Variants in YBX3 observed in about 807,000 individuals in gnomAD.
YBX3 encodes the protein Y-box binding protein 3.
A neutral mutation model predicts 42.4 loss-of-function variants in YBX3; 29 were observed. That is an observed-to-expected ratio of 0.68 (90% CI 0.51 to 0.93). The LOEUF (loss-of-function observed/expected upper bound fraction) is 0.93, where lower values mean the gene tolerates loss of function less well. Among genes scored for constraint, YBX3 ranks in the 40% least tolerant of loss-of-function variants. The probability of loss-of-function intolerance (pLI) is 0.00; values close to 1 mark genes in which losing one functional copy is unlikely to be tolerated. For missense variants in YBX3, 517 were observed against 527.5 expected (o/e 0.98, Z 0.19); for synonymous variants, 195 against 189.8 (o/e 1.03, Z -0.22).
At chr12:10,710,233 A>G (rs752037830) in intron 5 of YBX3, 119 bp from the exon 6 acceptor site, 11 of 1,531,482 alleles carry the variant, frequency 7.2e-6, no homozygotes, top group Non-Finnish European at 9.6e-6. Flanking sequence ...AATCCTTTCC[A>G]TTATACAGAC....
At chr12:10,713,096 C>T (rs1331662356) in intron 5 of YBX3, 115 bp downstream of exon 5, 4 of 1,253,514 alleles carry the variant, frequency 3.2e-6, no homozygotes, top group Non-Finnish European at 3.2e-6. Context: ...ATAAAAATCA[C>T]TTAAATCATT....
At chr12:10,720,758 G>A (rs1276140708) in intron 1 of YBX3, 2 of 152,110 alleles carry the variant, frequency 1.3e-5, no homozygotes, top group Non-Finnish European at 2.9e-5. Context: ...TAATAATAAA[G>A]GAAAAAGATG....
chr12:10,713,239 T>C lies in YBX3; in HGVS notation c.545A>G (p.Tyr182Cys), dbSNP rs150965070. ...ADRRRYRRGY[Y>C]GRRRGPPRNY... ...CCGGGGAGGGCCACGGCGCCTTCCA[T>C]AGTAGCCACGTCTGTAACGGCGCCG... The change falls in exon 5 of 10, where the codon TAT becomes TGT. Residue 182 changes from tyrosine (Y) to cysteine (C), a missense_variant. Transcript: ENST00000228251. 5.2e-5 allele frequency: 84 copies of C among 1,613,890 alleles called. No homozygotes were observed. The highest frequency in any genetic ancestry group is 1.7e-4 in the African/African-American group (13 of 75,028).
At chr12:10,702,443 T>A (rs1325841261) in intron 7 of YBX3, 1 of 170,104 alleles carries the variant, frequency 5.9e-6, no homozygotes, top group Admixed American at 6.4e-5. Context: ...ATTGCTTGAA[T>A]CCATGAGGCA....
rs745797213 is a variant in YBX3 at position 10,704,066 on chromosome 12, C to T, written c.863G>A (p.Arg288His). ...QGPVHRNPTY[R>H]PRYRSRGPPR... Reference sequence around the variant, plus strand: ...TGCGACATACCTACGGTACCTTGGGCGGTAAGTTGGATTTCGATGAACCGG... The same window carrying T: ...TGCGACATACCTACGGTACCTTGGGTGGTAAGTTGGATTTCGATGAACCGG... Residue 288 changes from arginine (R) to histidine (H), a missense_variant, in exon 7 of 10, where the codon CGC becomes CAC. This residue lies in a region of YBX3 where 420 missense variants were observed against 408.5 expected (regional missense o/e 1.03). Coordinates refer to ENST00000228251, the MANE Select transcript of YBX3 (RefSeq NM_003651.5). The T allele has an allele frequency of 1.8e-5, 29 of 1,614,052 alleles. No individual in the cohort carries two copies. The highest frequency in any genetic ancestry group is 2.2e-5 in the East Asian group (1 of 44,896).
intron 5 of YBX3, 127 bp from the exon 6 acceptor site, chr12:10,710,241 G>C: frequency 1.3e-6 from 2 of 1,528,786 alleles, no homozygotes. Context: ...CCATTATACA[G>C]ACAAAATGCA....
At chr12:10,705,306 G>C (rs1448235825) in intron 6 of YBX3, among the ~76,000 whole-genome samples, 1 of 152,014 alleles carries the variant, frequency 6.6e-6, no homozygotes, top group African/African-American at 2.4e-5. Flanking sequence ...TGTTGGCCAG[G>C]ATGGTCTCAA....
Position 10,718,160 on chromosome 12 carries a change from G to A in YBX3, c.327-39C>T, listed in dbSNP as rs773935669. Reference sequence around the variant, plus strand: ...AAAAGCTCACAATTAAAGGTAGTACGTATGTGGAAAAACTTAAAAGAACCT... The same window carrying A: ...AAAAGCTCACAATTAAAGGTAGTACATATGTGGAAAAACTTAAAAGAACCT... On this transcript the variant is annotated intron_variant, in intron 2 of 9. Coordinates refer to ENST00000228251, the MANE Select transcript of YBX3 (RefSeq NM_003651.5). 8.2e-6 allele frequency: 13 copies of A among 1,592,452 alleles called. No homozygotes were observed. In the Admixed American group the frequency reaches 1.4e-4, roughly 17 times the overall value.
intron 4 of YBX3, 132 bp downstream of exon 4, chr12:10,715,562 G>A: frequency 1.2e-6 from 1 of 820,506 alleles, no homozygotes; most frequent in South Asian, 1.5e-5. Flanking sequence ...AAAAAATTCT[G>A]TTTAAAAGTC....
intron 5 of YBX3, 191 bp downstream of exon 5, chr12:10,713,020 A>G: frequency 1.3e-6 from 1 of 762,278 alleles, no homozygotes; most frequent in East Asian, 3.1e-5. Flanking sequence ...CCGGTTTCCC[A>G]AAAACCTATG....
At chr12:10,718,402 T>A in intron 2 of YBX3, 1 of 330,624 alleles carries the variant, frequency 3.0e-6, no homozygotes. Context: ...AATCACATGG[T>A]GTGTAATCAG....
intron 5 of YBX3, chr12:10,710,401 A>G: frequency 7.5e-7 from 1 of 1,334,104 alleles, no homozygotes; most frequent in South Asian, 1.6e-5. Flanking sequence ...GTATCAGCTA[A>G]CCAACCACCC....
chr12:10,718,978 A>C, intron 2 of YBX3, 102 bp downstream of exon 2: 1 of 1,090,832 alleles, frequency 9.2e-7, no homozygotes, highest in South Asian at 1.5e-5. Flanking sequence ...TAGAAACCTA[A>C]AAAATTTATA....
At chr12:10,720,939 G>C (rs1948317518) in intron 1 of YBX3, 1 of 152,164 alleles carries the variant, frequency 6.6e-6, no homozygotes, top group African/African-American at 2.4e-5. Flanking sequence ...TACACTAAGG[G>C]GAAGGGTTGG....
rs1948183867 is a variant in YBX3 at position 10,710,105 on chromosome 12, C to T, written c.583G>A (p.Glu195Lys). Reference protein sequence around the residue: ...RRGPPRNYAGEEEEEGSGSSE... With the variant: ...RRGPPRNYAGKEEEEGSGSSE... ...CTGCCGCTCCCTTCCTCCTCCTCCT[C>T]CCCAGCGTACTAGCGAAGCAAAGAA... The change falls in exon 6 of 10, where the codon GAG (glutamate) becomes AAG (lysine). Residue 195 changes from glutamate to lysine, a missense_variant. Around this residue, in one of 3 missense-constraint regions of YBX3, gnomAD observed 420 missense variants for 408.5 expected, o/e 1.03. Coordinates refer to ENST00000228251, the MANE Select transcript of YBX3 (RefSeq NM_003651.5). The T allele has an allele frequency of 1.2e-6, 2 of 1,613,180 alleles. No individual in the cohort carries two copies. The highest frequency in any genetic ancestry group is 1.3e-5 in the African/African-American group (1 of 74,910).
Position 10,718,103 on chromosome 12 carries a change from A to T in YBX3, c.345T>A (p.Asp115Glu), listed in dbSNP as rs754995531. The change falls in exon 3 of 10, where the codon GAT becomes GAA. Residue 115 changes from aspartate to glutamate, a missense_variant. Physicochemically the swap from Asp to Glu is conservative, Grantham distance 45. Coordinates refer to ENST00000228251, the MANE Select transcript of YBX3 (RefSeq NM_003651.5). ...GFINRNDTKE[D>E]VFVHQTAIKK... is the part of the protein sequence containing the mutation. ...TCCCTCTTACCTGATGTACAAATAC[A>T]TCTTCTTTGGTGTCATTTCTGTTGA... The T allele has an allele frequency of 6.2e-7, 1 of 1,612,316 alleles. No individual in the cohort carries two copies. The highest frequency in any genetic ancestry group is 1.1e-5 in the South Asian group (1 of 90,512).
intron 6 of YBX3, among the ~76,000 whole-genome samples, chr12:10,707,228 A>T (rs1948148666): frequency 2.0e-5 from 3 of 151,944 alleles, no homozygotes; most frequent in African/African-American, 7.3e-5. Flanking sequence ...TCCTCCAGCC[A>T]CTTTCTACCT....
At chr12:10,718,179 A>G in intron 2 of YBX3, 58 bp from the exon 3 acceptor site, 1 of 1,521,466 alleles carries the variant, frequency 6.6e-7, no homozygotes, top group East Asian at 2.3e-5. Context: ...AAAACTTAAA[A>G]GAACCTATGT....
At chr12:10,722,748 C>T (rs1347095095) in intron 1 of YBX3, 102 bp downstream of exon 1, 9 of 1,100,844 alleles carry the variant, frequency 8.2e-6, no homozygotes, top group Non-Finnish European at 1.0e-5. Context: ...GTCAGCGTCT[C>T]CAGCCCGGGT....
Sources: allele counts gnomAD v4.1 joint callset (sites outside exome capture counted in the v4.1 genomes callset), GRCh38; gene constraint gnomAD v4.1.1; regional missense constraint gnomAD v4.1.1; transcripts MANE v1.5; gene names NCBI Gene and HGNC (gene_info 2026-07-23, HGNC 2026-07-21).